The following CRADD variants were observed in gnomAD, a reference collection of about 807,000 sequenced individuals.
CRADD encodes the protein death domain-containing protein CRADD.
In CRADD, 9 loss-of-function variants were observed where a neutral mutation model predicts 15.5. The ratio of observed to expected loss-of-function variants is 0.58; its 90% confidence interval spans 0.35 to 1.01. The LOEUF (loss-of-function observed/expected upper bound fraction) is 1.01. Ranked by LOEUF, CRADD falls within the 50% of genes least tolerant of loss-of-function variation. The pLI, the probability that CRADD is intolerant of heterozygous loss-of-function variation, is 0.02. For missense variants in CRADD, 227 were observed against 250.3 expected, an observed-to-expected ratio of 0.91 and a Z score of 0.63; for synonymous variants, 118 against 107.6, an observed-to-expected ratio of 1.10 and a Z score of -0.60.
intron 2 of CRADD, among the ~76,000 whole-genome samples, chr12:93,681,144 A>G (rs1421081464): frequency 6.6e-6 from 1 of 151,932 alleles, no homozygotes; most frequent in Non-Finnish European, 1.5e-5. Flanking sequence ...TCGGCCTCCC[A>G]AAGTGCTGGG....
chr12:93,864,093 G>A (rs1958342350), intron 2 of CRADD, among the ~76,000 whole-genome samples: 4 of 152,128 alleles, frequency 2.6e-5, no homozygotes, highest in Admixed American at 2.0e-4. Flanking sequence ...GAGACAAGGT[G>A]TTGCTCTGTT....
intron 2 of CRADD, among the ~76,000 whole-genome samples, chr12:93,699,659 C>T (rs557074330): frequency 9.9e-5 from 15 of 152,280 alleles, no homozygotes; most frequent in African/African-American, 2.9e-4. Flanking sequence ...AGTAATGCTA[C>T]GCCAGGGTAT....
chr12:93,689,900 T>C (rs6538445), intron 2 of CRADD, among the ~76,000 whole-genome samples: 63,567 of 151,980 alleles, frequency 0.42, 14,144 homozygotes, highest in African/African-American at 0.58. Flanking sequence ...AAGGTTAGAG[T>C]TGGAAGGGAT....
chr12:93,784,205 C>G (rs1191799144), intron 2 of CRADD, among the ~76,000 whole-genome samples: 1 of 152,064 alleles, frequency 6.6e-6, no homozygotes, highest in Non-Finnish European at 1.5e-5. Context: ...TAAATATAGT[C>G]AAGCTGAATG....
intron 2 of CRADD, among the ~76,000 whole-genome samples, chr12:93,833,102 T>C (rs1448560050): frequency 6.6e-6 from 1 of 152,228 alleles, no homozygotes; most frequent in Non-Finnish European, 1.5e-5. Flanking sequence ...GCAAAACTTC[T>C]CATGACTTTA....
chr12:93,765,135 A>G (rs114599744), intron 2 of CRADD, among the ~76,000 whole-genome samples: 1,553 of 152,242 alleles, frequency 0.01, 21 homozygotes, highest in African/African-American at 0.033. Context: ...AAAAGACTCA[A>G]TATTTTTGAC....
rs547564231 is a variant in CRADD at position 93,881,986 on chromosome 12, G to A, written c.299-12064G>A. ...TACTAAAAATACAAAAATTATCTGG[G>A]CTTGGTGGCATGTGCCTGTCCCAGC... On this transcript the variant is annotated intron_variant, in intron 2 of 2. Coordinates refer to the CRADD transcript ENST00000548483. Among the ~76,000 whole-genome samples the A allele has an allele frequency of 4.7e-4, 71 of 152,098 alleles. 1 individual carries two copies. The highest frequency in any genetic ancestry group is 5.9e-4 in the Admixed American group (9 of 15,270).
At chr12:93,742,454 CG>C (rs1029751185) in intron 2 of CRADD, among the ~76,000 whole-genome samples, 220 of 150,918 alleles carry the variant, frequency 1.5e-3, no homozygotes, top group African/African-American at 5.0e-3. Context: ...GCTGCCTCTG[CG>C]GGCCCCGGCT....
chr12:93,738,842 A>C (rs7965992), intron 2 of CRADD, among the ~76,000 whole-genome samples: 9,637 of 147,438 alleles, frequency 0.065, 698 homozygotes, highest in East Asian at 0.2. Flanking sequence ...AAGGAAAGAG[A>C]GGGAGAGAGA....
At chr12:93,786,738 A>G (rs1264240554) in intron 2 of CRADD, among the ~76,000 whole-genome samples, 1 of 152,190 alleles carries the variant, frequency 6.6e-6, no homozygotes, top group East Asian at 1.9e-4. Context: ...CCCTAAAGCA[A>G]TAAAACCCAC....
chr12:93,818,438 G>A (rs1957733256), intron 2 of CRADD, among the ~76,000 whole-genome samples: 1 of 152,166 alleles, frequency 6.6e-6, no homozygotes, highest in Non-Finnish European at 1.5e-5. Context: ...GTTGCCTGAG[G>A]CCTCCATTTC....
At chr12:93,750,930 C>T (rs1024988754) in intron 2 of CRADD, among the ~76,000 whole-genome samples, 3 of 152,120 alleles carry the variant, frequency 2.0e-5, no homozygotes, top group Non-Finnish European at 4.4e-5. Context: ...AAGAGGTTCT[C>T]AGAGGGACTC....
At chr12:93,685,376 G>T (rs1015460447) in intron 2 of CRADD, among the ~76,000 whole-genome samples, 7 of 152,264 alleles carry the variant, frequency 4.6e-5, no homozygotes, top group African/African-American at 1.4e-4. Context: ...ACTGTAGGGT[G>T]AATATGGTTA....
intron 2 of CRADD, among the ~76,000 whole-genome samples, chr12:93,775,003 C>T (rs1957126183): frequency 6.6e-6 from 1 of 152,168 alleles, no homozygotes; most frequent in Non-Finnish European, 1.5e-5. Context: ...TCCTGAAATA[C>T]ACACACTTGT....
intron 2 of CRADD, among the ~76,000 whole-genome samples, chr12:93,803,788 C>T (rs1186376421): frequency 6.6e-6 from 1 of 151,952 alleles, no homozygotes; most frequent in Non-Finnish European, 1.5e-5. Context: ...GGGGACTTTG[C>T]AGGTGTGATT....
chr12:93,827,412 G>A (rs1231756463), intron 2 of CRADD, among the ~76,000 whole-genome samples: 1 of 152,160 alleles, frequency 6.6e-6, no homozygotes, highest in Non-Finnish European at 1.5e-5. Flanking sequence ...CCTTTTTAAT[G>A]TAGGACAGTA....
intron 2 of CRADD, among the ~76,000 whole-genome samples, chr12:93,765,224 G>A (rs1260515346): frequency 6.6e-6 from 1 of 152,174 alleles, no homozygotes; most frequent in Non-Finnish European, 1.5e-5. Context: ...GCAGCTCAGA[G>A]AGTAAAGGGC....
chr12:93,820,526 G>A lies in CRADD; in HGVS notation c.299-29444G>A, dbSNP rs548202177. 3.0e-3 allele frequency among the ~76,000 whole-genome samples: 448 copies of A among 150,288 alleles called. 2 individuals are homozygous for A. Among genetic ancestry groups the A allele is most frequent in the Non-Finnish European group, 4.4e-3 (301 of 67,678 alleles). ...ATCATACCACTGCACTCCAGGCTGG[G>A]CAACAGAGCGAGACTCTGTCTCAAA... On this transcript the variant is annotated intron_variant, in intron 2 of 2. Transcript: ENST00000332896.
intron 2 of CRADD, among the ~76,000 whole-genome samples, chr12:93,776,769 C>T (rs969307650): frequency 3.3e-5 from 5 of 152,182 alleles, no homozygotes; most frequent in African/African-American, 9.7e-5. Context: ...AAGCATGCTG[C>T]TAAGTGAAGT....
Sources: allele counts gnomAD v4.1 joint callset (sites outside exome capture counted in the v4.1 genomes callset), GRCh38; gene constraint gnomAD v4.1.1; transcripts MANE v1.5; gene names NCBI Gene and HGNC (gene_info 2026-07-23, HGNC 2026-07-21).